The following CALD1 variants were observed in gnomAD, a reference collection of about 807,000 sequenced individuals.
CALD1 encodes caldesmon 1.
CALD1 carries 33 observed loss-of-function variants against 99.9 expected under a neutral mutation model. The observed-to-expected ratio is 0.33, with a 90% CI of 0.25 to 0.44. CALD1 has a LOEUF of 0.44. Among genes scored for constraint, CALD1 ranks in the 20% least tolerant of loss-of-function variants. CALD1 has a pLI of 1.00. For synonymous variants in CALD1, 310 were observed against 325.0 expected (o/e 0.95, Z 0.50); for missense variants, 861 against 962.1 (o/e 0.89, Z 1.39).
chr7:134,887,467 C>G (rs566114682), intron 3 of CALD1, among the ~76,000 whole-genome samples: 1 of 152,330 alleles, frequency 6.6e-6, no homozygotes, highest in South Asian at 2.1e-4. Context: ...AAATTTATCT[C>G]CAACAGCCTT....
At chr7:134,723,170 C>T in the CALD1 span, among the ~76,000 whole-genome samples, 20 of 152,282 alleles carry the variant, frequency 1.3e-4, no homozygotes, top group East Asian at 3.1e-3. Flanking sequence ...AGTTTCAGTT[C>T]TTGCGTAAAA....
intron 1 of CALD1, among the ~76,000 whole-genome samples, chr7:134,750,553 C>T (rs777461654): frequency 8.5e-5 from 13 of 152,130 alleles, no homozygotes; most frequent in African/African-American, 2.9e-4. Context: ...CCTGCCATCT[C>T]AAAAGCTGAG....
chr7:134,766,175 G>C (rs563175117), intron 1 of CALD1, among the ~76,000 whole-genome samples: 1 of 129,820 alleles, frequency 7.7e-6, no homozygotes, highest in Middle Eastern at 4.1e-3. Context: ...TTTTTGAGAG[G>C]GAGTCTCACT....
At chr7:134,930,705 T>G (rs1439407683) in intron 4 of CALD1, among the ~76,000 whole-genome samples, 13 of 152,332 alleles carry the variant, frequency 8.5e-5, no homozygotes, top group Non-Finnish European at 4.4e-5. Context: ...ACTGTATTTC[T>G]TCAGTTAAAT....
chr7:134,839,938 T>A (rs555535136), intron 1 of CALD1, among the ~76,000 whole-genome samples: 13 of 152,328 alleles, frequency 8.5e-5, no homozygotes, highest in Non-Finnish European at 1.5e-4. Context: ...CTCTATTAGA[T>A]CATCCATCTT....
the CALD1 span, among the ~76,000 whole-genome samples, chr7:134,728,030 T>G: frequency 6.6e-6 from 1 of 152,200 alleles, no homozygotes; most frequent in Non-Finnish European, 1.5e-5. Flanking sequence ...TTTGCTAACA[T>G]TAGTTACTTT....
chr7:134,757,123 A>C (rs954567980), intron 1 of CALD1, among the ~76,000 whole-genome samples: 1 of 150,542 alleles, frequency 6.6e-6, no homozygotes, highest in Non-Finnish European at 1.5e-5. Flanking sequence ...TTTAAGCCTG[A>C]GACACTTAGT....
At chr7:134,766,289 C>T (rs764791559) in intron 1 of CALD1, among the ~76,000 whole-genome samples, 1 of 151,338 alleles carries the variant, frequency 6.6e-6, no homozygotes, top group Admixed American at 6.6e-5. Flanking sequence ...GTAGCTGGGA[C>T]TACAGGCCAC....
At chr7:134,872,653 A>G (rs1801153048) in intron 3 of CALD1, among the ~76,000 whole-genome samples, 1 of 152,194 alleles carries the variant, frequency 6.6e-6, no homozygotes. Context: ...TAAGGGTATT[A>G]GTAACTTTAG....
At chr7:134,808,592 G>A (rs2131901252) in intron 1 of CALD1, among the ~76,000 whole-genome samples, 1 of 152,240 alleles carries the variant, frequency 6.6e-6, no homozygotes, top group Non-Finnish European at 1.5e-5. Flanking sequence ...CTGAATGCTG[G>A]GTTTGTCAGA....
rs572301189 is a variant in CALD1 at position 134,911,284 on chromosome 7, A to ACATGGCAG, written c.72-17467_72-17460dup. Among the ~76,000 whole-genome samples, 18 of 151,462 alleles carry ACATGGCAG rather than the reference A, an allele frequency of 1.2e-4. No individual in the cohort carries two copies. The East Asian group carries it at 3.3e-3, about 28-fold the overall frequency. The stretch of plus-strand genomic sequence containing the variant: ...AAAGCGAGCCCTGCAGCCCATAGCA[A>ACATGGCAG]CATGGCAGCAGGTGTAGCCAGGTAT... On this transcript the variant is annotated intron_variant, in intron 3 of 14. Transcript: ENST00000361675.
At chr7:134,929,051 T>A in intron 4 of CALD1, 151 bp downstream of exon 4, 1 of 651,068 alleles carries the variant, frequency 1.5e-6, no homozygotes. Flanking sequence ...TTTAGGCAAC[T>A]AATCTGATTA....
At chr7:134,879,121 T>C (rs957173376) in intron 3 of CALD1, among the ~76,000 whole-genome samples, 9 of 152,224 alleles carry the variant, frequency 5.9e-5, no homozygotes, top group Non-Finnish European at 1.0e-4. Flanking sequence ...ACAGAAATGA[T>C]GACTTCAGTT....
rs999718611 is a variant in CALD1 at position 134,807,800 on chromosome 7, G to C, written c.-130+28051G>C. Among the ~76,000 whole-genome samples the C allele has an allele frequency of 5.9e-5, 9 of 152,018 alleles. 1 individual carries two copies. Among genetic ancestry groups the C allele is most frequent in the South Asian group, 2.1e-4 (1 of 4,822 alleles). Reference sequence around the variant, plus strand: ...CCGCCACCATGCCCAGCTAATTTTTGTACTTTTATTAGAGACGGGGTTTCA... The same window carrying C: ...CCGCCACCATGCCCAGCTAATTTTTCTACTTTTATTAGAGACGGGGTTTCA... On this transcript the variant is annotated intron_variant, in intron 1 of 14. Transcript: ENST00000361675.
At chr7:134,744,922 G>A (rs183753158) in intron 1 of CALD1, among the ~76,000 whole-genome samples, 75 of 152,236 alleles carry the variant, frequency 4.9e-4, no homozygotes, top group African/African-American at 1.8e-3. Context: ...TCAGGCATGT[G>A]TTTAATTGTG....
chr7:134,778,739 T>C (rs1796986667), upstream of CALD1, among the ~76,000 whole-genome samples: 1 of 152,204 alleles, frequency 6.6e-6, no homozygotes, highest in Non-Finnish European at 1.5e-5. Flanking sequence ...GCGGGATATA[T>C]GCATCTGTCT....
chr7:134,826,646 T>C (rs967639233), intron 1 of CALD1, among the ~76,000 whole-genome samples: 13 of 149,704 alleles, frequency 8.7e-5, no homozygotes, highest in Non-Finnish European at 1.3e-4. Flanking sequence ...ACTGATAATA[T>C]TGGTTTTGTA....
chr7:134,751,538 A>C (rs1261267710), intron 1 of CALD1, among the ~76,000 whole-genome samples: 1 of 152,216 alleles, frequency 6.6e-6, no homozygotes, highest in South Asian at 2.1e-4. Context: ...CGCCAAGAAT[A>C]CATCATTTAT....
the CALD1 span, among the ~76,000 whole-genome samples, chr7:134,733,753 G>C: frequency 2.7e-5 from 4 of 150,894 alleles, no homozygotes; most frequent in African/African-American, 9.8e-5. Flanking sequence ...AGCCTGCAGT[G>C]AGCTGAGATC....
Sources: gnomAD v4.1 joint callset for allele counts (sites outside exome capture counted in the v4.1 genomes callset) on GRCh38, gnomAD v4.1.1 for gene constraint, MANE v1.5 for transcripts, NCBI Gene and HGNC (gene_info 2026-07-23, HGNC 2026-07-21) for gene names.